Variants in CCDC120 observed in about 807,000 individuals in gnomAD.
CCDC120 encodes the protein coiled-coil domain-containing protein 120.
In CCDC120, 16 loss-of-function variants were observed where a neutral mutation model predicts 37.6. The ratio of observed to expected loss-of-function variants is 0.43; its 90% CI spans 0.29 to 0.65. The LOEUF (loss-of-function observed/expected upper bound fraction) is 0.65, where lower values mean the gene tolerates loss of function less well. Ranked by LOEUF, CCDC120 falls within the 30% of genes least tolerant of loss-of-function variation. The pLI is 0.18. For synonymous variants in CCDC120, 309 were observed against 275.4 expected (o/e 1.12, Z -1.21); for missense variants, 650 against 657.4 (o/e 0.99, Z 0.12).
At position 49,068,872 on chromosome X, in the gene CCDC120, T is replaced by C; in HGVS notation, c.*214T>C. Reference sequence around the variant, plus strand: ...GTGCTGGGGACTGGGGGCCCTCAGCTAGCTTAAAAGAGGGGGGATGATGTC... The same window carrying C: ...GTGCTGGGGACTGGGGGCCCTCAGCCAGCTTAAAAGAGGGGGGATGATGTC... On this transcript the variant is annotated 3_prime_UTR_variant, in exon 11 of 11. Coordinates refer to ENST00000603986, the MANE Select transcript of CCDC120 (RefSeq NM_001163321.4). 3.3e-6 allele frequency: 1 copy of C among 300,258 alleles called. No individual in the cohort carries two copies. Among genetic ancestry groups the C allele is most frequent in the Non-Finnish European group, 5.7e-6 (1 of 176,554 alleles). 24.7% of individuals were successfully genotyped at this position (300,258 alleles called of 1,213,427 possible).
At chrX:49,065,240 C>T in intron 7 of CCDC120, 142 bp downstream of exon 7, 2 of 721,226 alleles carry the variant, frequency 2.8e-6, no homozygotes, top group South Asian at 2.5e-5. Flanking sequence ...TTCTCCTTAG[C>T]CATGCTCCAT....
chrX:49,064,589 C>G lies in CCDC120; in HGVS notation c.649C>G (p.Leu217Val). 8.4e-7 allele frequency: 1 copy of G among 1,188,240 alleles called. No individual in the cohort carries two copies. The highest frequency in any genetic ancestry group is 1.1e-6 in the Non-Finnish European group (1 of 883,387). ...GLPVLPLPQPLPLSTGSVITT... is the reference protein window; with the variant it reads ...GLPVLPLPQPVPLSTGSVITT... The stretch of plus-strand genomic sequence containing the variant: ...CCCAGTGCTCCCGCTGCCCCAGCCA[C>G]TGCCACTGTCCACGGGGTCAGTGAT... Residue 217 changes from leucine (L) to valine (V), a missense_variant, in exon 6 of 11, where the codon CTG (leucine) becomes GTG (valine). Around this residue, in one of 3 missense-constraint regions of CCDC120, gnomAD observed 576 missense variants for 565.3 expected, o/e 1.02. Transcript: ENST00000603986.
At chrX:49,062,699 C>A in intron 4 of CCDC120, 98 bp downstream of exon 4, 1 of 900,467 alleles carries the variant, frequency 1.1e-6, no homozygotes, top group South Asian at 2.4e-5. Context: ...ATTCCTCAAC[C>A]ACTTGTCTTG....
intron 1 of CCDC120, among the ~76,000 whole-genome samples, chrX:49,060,705 G>T (rs1412957148): frequency 4.5e-5 from 5 of 111,128 alleles, no homozygotes; most frequent in Non-Finnish European, 9.4e-5. Flanking sequence ...TTGTCAAAAG[G>T]CTTTAGGGAC....
In CCDC120 at chrX:49,067,851, G is replaced by A. The variant is rs782488415; in HGVS notation, c.1737G>A (p.Ser579=). The change falls in exon 10 of 11, where the codon TCG becomes TCA. Residue 579 remains serine, a synonymous_variant. Coordinates refer to ENST00000603986, the MANE Select transcript of CCDC120 (RefSeq NM_001163321.4). ...TGCCCCCACCCACCCGTATCCCCTCGGCTGGTGAACGCAGTGGCCACAAGA... is the reference window on the plus strand; with the variant it reads ...TGCCCCCACCCACCCGTATCCCCTCAGCTGGTGAACGCAGTGGCCACAAGA... The part of the protein sequence containing the change: ...LWMPPPTRIP[S]AGERSGHKNL... 4.7e-5 allele frequency: 55 copies of A among 1,169,965 alleles called. 1 individual carries two copies. The East Asian group carries it at 6.4e-4, about 14-fold the overall frequency.
chrX:49,066,631 C>T (rs1387532993), intron 9 of CCDC120: 1 of 112,715 alleles, frequency 8.9e-6, no homozygotes, highest in Non-Finnish European at 1.9e-5. Flanking sequence ...GCTTCTTAAA[C>T]AGAGTGCCTA....
chrX:49,062,653 G>A (rs1557079867), intron 4 of CCDC120, 52 bp downstream of exon 4: 1 of 1,164,727 alleles, frequency 8.6e-7, no homozygotes, highest in Non-Finnish European at 1.1e-6. Context: ...AGGAGGTGAG[G>A]AGCTGGGGCC....
intron 5 of CCDC120, among the ~76,000 whole-genome samples, 157 bp from the exon 6 acceptor site, chrX:49,064,213 C>T (rs2064922677): frequency 1.8e-5 from 2 of 111,653 alleles, no homozygotes; most frequent in Admixed American, 1.9e-4. Flanking sequence ...GGAAGATGAA[C>T]AGACCCAGCC....
rs111889916 is a variant in CCDC120, at chrX:49,063,742, C to T, written c.289-119C>T. Reference sequence around the variant, plus strand: ...TGGTAGGAGGGAGGGGAGTATCGTGCGTGGTTGCTGAGCAGGGCCAGGCTC... The same window carrying T: ...TGGTAGGAGGGAGGGGAGTATCGTGTGTGGTTGCTGAGCAGGGCCAGGCTC... On this transcript the variant is annotated intron_variant, in intron 4 of 10. Transcript: ENST00000603986. The T allele has an allele frequency of 5.4e-3, 4,052 of 754,529 alleles. 108 individuals are homozygous for T. In the African/African-American group the frequency reaches 0.078, roughly 15 times the overall value. 62.2% of individuals were successfully genotyped at this position (754,529 alleles called of 1,213,427 possible).
chrX:49,054,623 C>T (rs782610127), upstream of CCDC120, among the ~76,000 whole-genome samples: 57 of 111,092 alleles, frequency 5.1e-4, 3 homozygotes, highest in South Asian at 0.013. Context: ...TGACCACTGG[C>T]TTAGCCTTTC....
intron 9 of CCDC120, 116 bp downstream of exon 9, chrX:49,065,961 G>A (rs2064948848): frequency 1.4e-6 from 1 of 711,890 alleles, no homozygotes; most frequent in Non-Finnish European, 2.0e-6. Flanking sequence ...GGTGGCTCAC[G>A]CTTGTAATCC....
Position 49,067,281 on chromosome X carries a change from C to T in CCDC120, c.1167C>T (p.Arg389=). The T allele has an allele frequency of 5.0e-6, 6 of 1,206,646 alleles. No homozygotes were observed. The highest frequency in any genetic ancestry group is 6.7e-6 in the Non-Finnish European group (6 of 892,335). Residue 389 remains arginine (R), a synonymous_variant, in exon 10 of 11, where the codon CGC becomes CGT. Transcript: ENST00000603986. ...ASDRASLFVA[R]TRRSNSSEAL... is the part of the protein sequence containing the mutation. ...ATCGCGCCTCCCTCTTCGTAGCTCG[C>T]ACCCGCCGCAGCAACAGTTCTGAGG... is the stretch of plus-strand genomic sequence containing the variant.
chrX:49,068,007 G>T lies in CCDC120; in HGVS notation c.1893G>T (p.Glu631Asp). Reference sequence around the variant, plus strand: ...CCTTCCTCCATGCCCGCTGCTATGAGGTGGGCCAGGCGCTGTACGGGGCCC... The same window carrying T: ...CCTTCCTCCATGCCCGCTGCTATGATGTGGGCCAGGCGCTGTACGGGGCCC... ...HPPFLHARCY[E>D]VGQALYGAPS... Residue 631 changes from glutamate to aspartate, a missense_variant, in exon 10 of 11, where the codon GAG becomes GAT. Glu to Asp is a conservative substitution (Grantham distance 45). This residue lies in a region of CCDC120 where 576 missense variants were observed against 565.3 expected (regional missense o/e 1.02). Transcript: ENST00000603986. The T allele has an allele frequency of 1.7e-6, 2 of 1,164,533 alleles. No homozygotes were observed. The highest frequency in any genetic ancestry group is 2.3e-6 in the Non-Finnish European group (2 of 870,957).
intron 9 of CCDC120, chrX:49,066,904 C>T: frequency 2.9e-6 from 1 of 344,422 alleles, no homozygotes; most frequent in Non-Finnish European, 5.0e-6. Context: ...AGCCTTTCCT[C>T]TGAGTCCCTA....
rs58827125 is a variant in CCDC120 at position 49,060,427 on chromosome X, CAAAAAAAAAAA to C, written c.-84+1350_-84+1360del. ...AAGTGACAGAGCCAGGCCCTATCTC[CAAAAAAAAAAA>C]AAAAAAAAAAAAAAAAAGAATCGAA... On this transcript the variant is annotated intron_variant, in intron 1 of 10. Coordinates refer to ENST00000603986, the MANE Select transcript of CCDC120 (RefSeq NM_001163321.4). Among the ~76,000 whole-genome samples, 32 of 42,130 alleles carry C rather than the reference CAAAAAAAAAAA, an allele frequency of 7.6e-4. No individual in the cohort carries two copies. In the South Asian group the frequency reaches 0.035, roughly 47 times the overall value. 36.6% of individuals were successfully genotyped at this position (42,130 alleles called of 115,157 possible).
chrX:49,068,261 G>C, intron 10 of CCDC120, 171 bp downstream of exon 10: 1 of 1,085,086 alleles, frequency 9.2e-7, no homozygotes, highest in Middle Eastern at 3.0e-4. Flanking sequence ...AGTCCATGGG[G>C]TCCTGGTGGA....
rs868970142 is a variant in CCDC120 at position 49,068,570 on chromosome X, C to T, written c.2003C>T (p.Pro668Leu). 30 of 1,151,252 alleles carry T rather than the reference C, an allele frequency of 2.6e-5. No homozygotes were observed. The highest frequency in any genetic ancestry group is 1.4e-4 in the Admixed American group (5 of 36,692). The allele number at this position is 1,151,252 out of a possible 1,213,427, so 94.9% of individuals were successfully genotyped here. ...TACTACGCGGACTTCCTGTATCCCC[C>T]GGAGCTGAGCGCTCGTTTAAGTGAC... ...GRYYADFLYP[P>L]ELSARLSDLT... The change falls in exon 11 of 11, where the codon CCG (proline) becomes CTG (leucine). Residue 668 changes from proline (P) to leucine (L), a missense_variant. Pro to Leu is a moderately conservative substitution (Grantham distance 98). This residue lies in a region of CCDC120 where 576 missense variants were observed against 565.3 expected (regional missense o/e 1.02). Coordinates refer to ENST00000603986, the MANE Select transcript of CCDC120 (RefSeq NM_001163321.4).
chrX:49,067,190 A>G lies in CCDC120; in HGVS notation c.1076A>G (p.His359Arg), dbSNP rs2064965346. The part of the protein sequence containing the change: ...GPQLCKPEGL[H>R]SRQWSGSQDS... ...TCTCACCCCAGACCTGAAGGCCTTC[A>G]TTCTCGTCAGTGGTCCGGCAGCCAG... Residue 359 changes from histidine to arginine, a missense_variant, in exon 10 of 11, where the codon CAT (histidine) becomes CGT (arginine). This residue lies in a region of CCDC120 where 576 missense variants were observed against 565.3 expected (regional missense o/e 1.02). Coordinates refer to ENST00000603986, the MANE Select transcript of CCDC120 (RefSeq NM_001163321.4). 8.3e-7 allele frequency: 1 copy of G among 1,208,662 alleles called. No individual in the cohort carries two copies. Among genetic ancestry groups the G allele is most frequent in the East Asian group, 3.0e-5 (1 of 33,699 alleles).
upstream of CCDC120, among the ~76,000 whole-genome samples, chrX:49,055,888 A>G (rs1360686400): frequency 8.9e-6 from 1 of 112,112 alleles, no homozygotes; most frequent in Non-Finnish European, 1.9e-5. Flanking sequence ...AAACCTACCA[A>G]GTTATTTGAA....
Sources: gnomAD v4.1 joint callset for allele counts (sites outside exome capture counted in the v4.1 genomes callset) on GRCh38, gnomAD v4.1.1 for gene constraint, gnomAD v4.1.1 regional missense constraint, MANE v1.5 for transcripts, NCBI Gene and HGNC (gene_info 2026-07-23, HGNC 2026-07-21) for gene names.